Variants in SMARCA2 observed in about 807,000 individuals in gnomAD.
SMARCA2 encodes SWI/SNF related BAF chromatin remodeling complex subunit ATPase 2.
SMARCA2 carries 61 observed loss-of-function variants against 199.8 expected under a neutral mutation model. The observed-to-expected ratio is 0.31, with a 90% confidence interval of 0.25 to 0.38. The LOEUF (loss-of-function observed/expected upper bound fraction) is 0.38, where lower values mean the gene tolerates loss of function less well. SMARCA2 is among the 10% of genes least tolerant of loss of function. The probability of loss-of-function intolerance (pLI) is 1.00; values close to 1 mark genes in which losing one functional copy is unlikely to be tolerated. For synonymous variants in SMARCA2, 935 were observed against 732.0 expected, an observed-to-expected ratio of 1.28 and a Z score of -4.48; for missense variants, 1,344 against 2,012.2, an observed-to-expected ratio of 0.67 and a Z score of 6.35.
At chr9:2,142,775 T>C (rs559606540) in intron 27 of SMARCA2, among the ~76,000 whole-genome samples, 11 of 152,294 alleles carry the variant, frequency 7.2e-5, no homozygotes, top group African/African-American at 2.6e-4. Flanking sequence ...TTATTCACTG[T>C]GTAGTTGTGT....
At chr9:2,082,745 A>C (rs1299164533) in intron 15 of SMARCA2, among the ~76,000 whole-genome samples, 1 of 152,244 alleles carries the variant, frequency 6.6e-6, no homozygotes, top group Non-Finnish European at 1.5e-5. Flanking sequence ...GAAGGATTCT[A>C]TTAATATTAT....
chr9:2,169,659 C>G lies in SMARCA2; in HGVS notation c.4200-760C>G, dbSNP rs763121468. Reference sequence around the variant, plus strand: ...GGCTGTGAATCCCAAAGGGTGCTGTCTACACCTGGAGGGAGATCTAGAGGG... The same window carrying G: ...GGCTGTGAATCCCAAAGGGTGCTGTGTACACCTGGAGGGAGATCTAGAGGG... On this transcript the variant is annotated intron_variant, in intron 28 of 33. Coordinates refer to ENST00000349721, the MANE Select transcript of SMARCA2 (RefSeq NM_003070.5). The surrounding 1 kb of genome is among the most constrained non-coding windows in gnomAD (Gnocchi z 6.5). Among the ~76,000 whole-genome samples the G allele has an allele frequency of 3.9e-5, 6 of 152,098 alleles. No homozygotes were observed. Among genetic ancestry groups the G allele is most frequent in the Non-Finnish European group, 8.8e-5 (6 of 68,012 alleles).
At chr9:2,134,160 G>A (rs2130661149) in intron 27 of SMARCA2, among the ~76,000 whole-genome samples, 1 of 152,320 alleles carries the variant, frequency 6.6e-6, no homozygotes, top group South Asian at 2.1e-4. Context: ...TCTCTTTTGT[G>A]TCTTGATGAC....
At chr9:2,130,201 C>T (rs1170577089) in intron 27 of SMARCA2, among the ~76,000 whole-genome samples, 2 of 152,172 alleles carry the variant, frequency 1.3e-5, no homozygotes, top group Admixed American at 6.5e-5. Flanking sequence ...TCAATCCTGA[C>T]CTTACTTCTC....
At chr9:2,120,272 G>A (rs1823399555) in intron 26 of SMARCA2, among the ~76,000 whole-genome samples, 1 of 152,140 alleles carries the variant, frequency 6.6e-6, no homozygotes, top group Admixed American at 6.6e-5. Flanking sequence ...AAAGTTAGAG[G>A]TCCCAAATTT....
chr9:2,047,755 G>C (rs762062983), intron 5 of SMARCA2: 7 of 234,722 alleles, frequency 3.0e-5, no homozygotes, highest in African/African-American at 4.5e-5. Flanking sequence ...GTTTGTGCTT[G>C]TGCGGTTCGG....
At chr9:2,187,013 T>C (rs998316112) in intron 32 of SMARCA2, among the ~76,000 whole-genome samples, 4 of 152,168 alleles carry the variant, frequency 2.6e-5, no homozygotes, top group African/African-American at 7.2e-5. Context: ...TTCTGGCAAA[T>C]TCCCAGGGGG....
chr9:2,158,653 GTTTT>G (rs375367324), intron 27 of SMARCA2: 3 of 296,360 alleles, frequency 1.0e-5, no homozygotes, highest in African/African-American at 6.5e-5. Flanking sequence ...AAGTTTTGGG[GTTTT>G]TTTTGTGTGT....
chr9:2,160,148 T>A, intron 27 of SMARCA2: 1 of 536,686 alleles, frequency 1.9e-6, no homozygotes, highest in Non-Finnish European at 3.3e-6. Context: ...AGCTGCAGTG[T>A]GTTTAGCTGT....
chr9:2,124,199 T>C (rs1054637299), intron 27 of SMARCA2, among the ~76,000 whole-genome samples: 7 of 152,204 alleles, frequency 4.6e-5, no homozygotes, highest in Non-Finnish European at 8.8e-5. Flanking sequence ...GAATTGGCCA[T>C]TGGAAGCACA....
At position 2,028,941 on chromosome 9, in the gene SMARCA2, C is replaced by T. The variant is rs181705230; in HGVS notation, c.-36-46C>T. On this transcript the variant is annotated intron_variant, in intron 1 of 33. Coordinates refer to ENST00000349721, the MANE Select transcript of SMARCA2 (RefSeq NM_003070.5). Reference sequence around the variant, plus strand: ...AACAATTGTTTTATTCTGGTCTTAACATCATGTTTAAAACATGCCTTCCTT... The same window carrying T: ...AACAATTGTTTTATTCTGGTCTTAATATCATGTTTAAAACATGCCTTCCTT... 3,566 of 1,429,768 alleles carry T rather than the reference C, an allele frequency of 2.5e-3. 7 individuals are homozygous for T. Among genetic ancestry groups the T allele is most frequent in the Non-Finnish European group, 3.0e-3 (3,117 of 1,052,814 alleles). 88.6% of individuals were successfully genotyped at this position (1,429,768 alleles called of 1,614,324 possible). A position where few individuals can be genotyped will look rare whatever the true frequency, so the allele number is the denominator to read the frequency against.
At chr9:2,103,908 G>T in intron 22 of SMARCA2, 95 bp from the exon 23 acceptor site, 1 of 992,600 alleles carries the variant, frequency 1.0e-6, no homozygotes, top group South Asian at 1.5e-5. Context: ...TGTTTACAGT[G>T]TACAAAGGAC....
chr9:2,028,113 G>A lies in SMARCA2; in HGVS notation c.-36-874G>A, dbSNP rs1265001610. On this transcript the variant is annotated intron_variant, in intron 1 of 33. Coordinates refer to ENST00000349721, the MANE Select transcript of SMARCA2 (RefSeq NM_003070.5). ...CCACACCTCATCTGTGGTGAGCTCTGATCCAGTAGTCATGGATGACTTCTC... is the reference window on the plus strand; with the variant it reads ...CCACACCTCATCTGTGGTGAGCTCTAATCCAGTAGTCATGGATGACTTCTC... Among the ~76,000 whole-genome samples the A allele has an allele frequency of 2.7e-5, 4 of 148,372 alleles. No homozygotes were observed. The Admixed American group carries it at 2.7e-4, about 10-fold the overall frequency.
Position 2,077,737 on chromosome 9 carries a change from G to A in SMARCA2, c.2145G>A (p.Gln715=), listed in dbSNP as rs1352282699. The A allele has an allele frequency of 6.2e-7, 1 of 1,613,796 alleles. No homozygotes were observed. Among genetic ancestry groups the A allele is most frequent in the Admixed American group, 1.7e-5 (1 of 59,976 alleles). Residue 715 remains glutamine (Q), a synonymous_variant, in exon 14 of 34, where the codon CAG becomes CAA. Coordinates refer to ENST00000349721, the MANE Select transcript of SMARCA2 (RefSeq NM_003070.5). ...CCATCTCGGAGAGGGTGGAGAAACAGTCTGCCCTCCTAATTAATGGGACCC... is the reference window on the plus strand; with the variant it reads ...CCATCTCGGAGAGGGTGGAGAAACAATCTGCCCTCCTAATTAATGGGACCC... ...AHAISERVEK[Q]SALLINGTLK...
Position 2,166,278 on chromosome 9 carries a change from T to C in SMARCA2, c.4200-4141T>C, listed in dbSNP as rs555377826. On this transcript the variant is annotated intron_variant, in intron 28 of 33. Coordinates refer to ENST00000349721, the MANE Select transcript of SMARCA2 (RefSeq NM_003070.5). The stretch of plus-strand genomic sequence containing the variant: ...CGCCCAGAACTCCAATGGGGTATTC[T>C]GATCATTAATTACAGGGTGGTTAGC... Among the ~76,000 whole-genome samples, 3 of 152,332 alleles carry C rather than the reference T, an allele frequency of 2.0e-5. No individual in the cohort carries two copies. In the East Asian group the frequency reaches 5.8e-4, roughly 29 times the overall value.
At chr9:2,109,620 A>C (rs1299119412) in intron 23 of SMARCA2, among the ~76,000 whole-genome samples, 1 of 134,512 alleles carries the variant, frequency 7.4e-6, no homozygotes, top group Non-Finnish European at 1.5e-5. Flanking sequence ...AAACAGACTA[A>C]GAGATTTCTT....
chr9:2,141,086 A>C (rs1288349115), intron 27 of SMARCA2, among the ~76,000 whole-genome samples: 5 of 152,068 alleles, frequency 3.3e-5, no homozygotes, highest in African/African-American at 1.2e-4. Flanking sequence ...CCAAGTTGGC[A>C]AGTGTCATGC....
chr9:2,113,701 TC>T lies in SMARCA2; in HGVS notation c.3457-2118del, dbSNP rs1482918027. Among the ~76,000 whole-genome samples, 5 of 152,122 alleles carry T rather than the reference TC, an allele frequency of 3.3e-5. No homozygotes were observed. In the East Asian group the frequency reaches 9.6e-4, roughly 29 times the overall value. On this transcript the variant is annotated intron_variant, in intron 24 of 33. Coordinates refer to ENST00000349721, the MANE Select transcript of SMARCA2 (RefSeq NM_003070.5). ...CAAACGAAACTTAACTGCAGCAAAT[TC>T]CCAAGGATTCTGTAATGTCTGACCG...
Position 2,060,827 on chromosome 9 carries a change from G to A in SMARCA2, c.1533G>A (p.Glu511=). The A allele has an allele frequency of 1.2e-6, 2 of 1,613,814 alleles. No homozygotes were observed. Among genetic ancestry groups the A allele is most frequent in the South Asian group, 2.2e-5 (2 of 91,000 alleles). The change falls in exon 9 of 34, where the codon GAG becomes GAA. Residue 511 remains glutamate, a synonymous_variant. Transcript: ENST00000349721. ...ERMRRLMAED[E]EGYRKLIDQK... ...TCTTTCCTTAATAGGCTGAAGATGA[G>A]GAGGGTTATAGAAAACTGATTGATC...
Sources: gnomAD v4.1 joint callset for allele counts (sites outside exome capture counted in the v4.1 genomes callset) on GRCh38, gnomAD v4.1.1 for gene constraint, Gnocchi (gnomAD v3.1) non-coding constraint, MANE v1.5 for transcripts, NCBI Gene and HGNC (gene_info 2026-07-23, HGNC 2026-07-21) for gene names.